Variants in HAT1 observed in about 807,000 individuals in gnomAD.
The protein encoded by HAT1 is histone acetyltransferase type B catalytic subunit.
HAT1 carries 20 observed loss-of-function variants against 56.6 expected under a neutral mutation model. That is an observed-to-expected ratio of 0.35 (90% confidence interval 0.25 to 0.51). The LOEUF is 0.51. Among genes scored for constraint, HAT1 ranks in the 20% least tolerant of loss-of-function variants. The pLI is 0.95. For missense variants in HAT1, 408 were observed against 504.3 expected, an observed-to-expected ratio of 0.81 and a Z score of 1.83; for synonymous variants, 146 against 165.5, an observed-to-expected ratio of 0.88 and a Z score of 0.91.
chr2:171,943,410 CAAAAAAA>C lies in HAT1; in HGVS notation c.113-3279_113-3273del, dbSNP rs377749207. ...TGGGCGACAGAGAGAGACTCTGTCT[CAAAAAAA>C]AAAAAAAAAAAAAAAAAAGGAAACT... On this transcript the variant is annotated intron_variant, in intron 2 of 10. Coordinates refer to ENST00000264108, the MANE Select transcript of HAT1 (RefSeq NM_003642.4). Among the ~76,000 whole-genome samples the C allele has an allele frequency of 2.5e-3, 145 of 58,666 alleles. 3 individuals carry two copies. The highest frequency in any genetic ancestry group is 0.012 in the African/African-American group (135 of 11,048). The allele number at this position is 58,666 out of a possible 152,430, so 38.5% of individuals were successfully genotyped here.
At chr2:171,954,427 T>C (rs1687390188) in intron 4 of HAT1, among the ~76,000 whole-genome samples, 2 of 152,234 alleles carry the variant, frequency 1.3e-5, no homozygotes, top group African/African-American at 4.8e-5. Flanking sequence ...GGCTCATGCC[T>C]GTAATCCTAT....
At chr2:171,934,111 TA>T (rs1306216416) in intron 2 of HAT1, among the ~76,000 whole-genome samples, 1 of 152,230 alleles carries the variant, frequency 6.6e-6, no homozygotes, top group African/African-American at 2.4e-5. Flanking sequence ...TTACTCATTA[TA>T]AAATGTTCCA....
chr2:171,922,549 A>C, intron 1 of HAT1, 42 bp downstream of exon 1: 2 of 1,310,908 alleles, frequency 1.5e-6, no homozygotes, highest in Non-Finnish European at 2.0e-6. Context: ...GGAGGCGGCC[A>C]GATCGGGGAT....
chr2:171,970,147 G>A (rs11676438), intron 8 of HAT1, among the ~76,000 whole-genome samples: 66,127 of 151,872 alleles, frequency 0.44, 15,770 homozygotes, highest in Middle Eastern at 0.58. Context: ...GGGACAGAGC[G>A]AGACCCTGTC....
rs1688173534 is a variant in HAT1 at position 171,983,114 on chromosome 2, A to C, written c.1093-71A>C. On this transcript the variant is annotated intron_variant, in intron 10 of 10. Coordinates refer to ENST00000264108, the MANE Select transcript of HAT1 (RefSeq NM_003642.4). ...ACTATTCTTATTTTTAACATTGGAGACTTAAAATTGTAAGACTATAAGGAA... is the reference window on the plus strand; with the variant it reads ...ACTATTCTTATTTTTAACATTGGAGCCTTAAAATTGTAAGACTATAAGGAA... 7.0e-6 allele frequency: 6 copies of C among 859,494 alleles called. No homozygotes were observed. In the East Asian group the frequency reaches 1.5e-4, roughly 22 times the overall value. The allele number at this position is 859,494 out of a possible 1,614,324, so 53.2% of individuals were successfully genotyped here.
In HAT1 at chr2:171,925,540, T is replaced by G. The variant is rs760799608; in HGVS notation, c.11T>G (p.Phe4Cys). The G allele has an allele frequency of 1.3e-5, 19 of 1,436,408 alleles. No individual in the cohort carries two copies. Among genetic ancestry groups the G allele is most frequent in the Non-Finnish European group, 1.7e-5 (17 of 1,018,710 alleles). The allele number at this position is 1,436,408 out of a possible 1,614,324, so 89.0% of individuals were successfully genotyped here. MAG[F>C]GAMEKFLVEY... Reference sequence around the variant, plus strand: ...TTTTAAAAACCTTTTCTCTTAGGATTTGGTGCTATGGAGAAATTTTTGGTA... The same window carrying G: ...TTTTAAAAACCTTTTCTCTTAGGATGTGGTGCTATGGAGAAATTTTTGGTA... The change falls in exon 2 of 11, where the codon TTT becomes TGT. Residue 4 changes from phenylalanine to cysteine, a missense_variant. By Grantham distance (205) the Phe-to-Cys change is radical (BLOSUM62 -2). Transcript: ENST00000264108.
rs746016501 is a variant in HAT1, at chr2:171,964,470, G to A, written c.310-868G>A. 6.8e-4 allele frequency among the ~76,000 whole-genome samples: 104 copies of A among 152,234 alleles called. 1 individual carries two copies. Among genetic ancestry groups the A allele is most frequent in the Middle Eastern group, 3.4e-3 (1 of 294 alleles). The stretch of plus-strand genomic sequence containing the variant: ...GTTGAATGTAATGTCAGGCTTTTAG[G>A]GACTGTATTGAGGGATAAGGTTTTG... On this transcript the variant is annotated intron_variant, in intron 4 of 10. Transcript: ENST00000264108.
intron 8 of HAT1, among the ~76,000 whole-genome samples, chr2:171,967,153 T>C (rs1687702951): frequency 6.6e-6 from 1 of 152,160 alleles, no homozygotes; most frequent in Non-Finnish European, 1.5e-5. Context: ...AAGTGCATAA[T>C]GGAACAAATT....
At chr2:171,949,532 A>G (rs1161456700) in intron 3 of HAT1, among the ~76,000 whole-genome samples, 1 of 151,898 alleles carries the variant, frequency 6.6e-6, no homozygotes, top group Non-Finnish European at 1.5e-5. Context: ...AAAATTAGCC[A>G]GGCTTGCTGG....
At chr2:171,946,199 A>T (rs1687159378) in intron 2 of HAT1, among the ~76,000 whole-genome samples, 1 of 152,220 alleles carries the variant, frequency 6.6e-6, no homozygotes, top group Non-Finnish European at 1.5e-5. Context: ...GTACAGCAGG[A>T]TGTATATAAG....
intron 2 of HAT1, among the ~76,000 whole-genome samples, chr2:171,942,574 A>G (rs1372323556): frequency 6.6e-6 from 1 of 152,128 alleles, no homozygotes; most frequent in Non-Finnish European, 1.5e-5. Flanking sequence ...TTAATCATTC[A>G]CCTGTGACAT....
At chr2:171,974,178 AAAAAAAAAAAAAAAG>A (rs1273456136) in intron 8 of HAT1, among the ~76,000 whole-genome samples, 40 of 101,698 alleles carry the variant, frequency 3.9e-4, no homozygotes, top group African/African-American at 1.2e-3. Context: ...TGTCTCAAAA[AAAAAAAAAAAAAAAG>A]AAAAAAAGAA....
At chr2:171,937,873 A>G (rs1448850137) in intron 2 of HAT1, among the ~76,000 whole-genome samples, 2 of 152,154 alleles carry the variant, frequency 1.3e-5, no homozygotes, top group East Asian at 1.9e-4. Context: ...AAATCAAACA[A>G]TTAGCCAAGT....
chr2:171,950,151 G>C (rs1687268975), intron 3 of HAT1, among the ~76,000 whole-genome samples: 1 of 152,076 alleles, frequency 6.6e-6, no homozygotes, highest in African/African-American at 2.4e-5. Context: ...TCTTTAATGT[G>C]TGGGGGTTTT....
At chr2:171,922,729 A>G in intron 1 of HAT1, 1 of 401,026 alleles carries the variant, frequency 2.5e-6, no homozygotes. Flanking sequence ...GCCTTCTGCC[A>G]GCAATCCGGC....
rs587686867 is a variant in HAT1 at position 171,953,626 on chromosome 2, T to TAAAAAAAAAAAA, written c.309+643_309+654dup. Among the ~76,000 whole-genome samples the TAAAAAAAAAAAA allele has an allele frequency of 2.4e-3, 201 of 84,570 alleles. 8 individuals are homozygous for TAAAAAAAAAAAA. Among genetic ancestry groups the TAAAAAAAAAAAA allele is most frequent in the East Asian group, 5.2e-3 (8 of 1,544 alleles). 55.5% of individuals were successfully genotyped at this position (84,570 alleles called of 152,430 possible). ...GGCAACAGAACAAGACCCTGTCTCT[T>TAAAAAAAAAAAA]AAAAAAAAAAAAAAAAAAAAAAAAA... On this transcript the variant is annotated intron_variant, in intron 4 of 10. Coordinates refer to ENST00000264108, the MANE Select transcript of HAT1 (RefSeq NM_003642.4).
At chr2:171,977,271 G>A (rs1209518888) in intron 9 of HAT1, among the ~76,000 whole-genome samples, 3 of 151,398 alleles carry the variant, frequency 2.0e-5, no homozygotes, top group Non-Finnish European at 2.9e-5. Flanking sequence ...AGACCAGCCT[G>A]TCCAATATGG....
intron 2 of HAT1, among the ~76,000 whole-genome samples, chr2:171,928,777 G>A (rs1686662604): frequency 6.6e-6 from 1 of 152,158 alleles, no homozygotes; most frequent in African/African-American, 2.4e-5. Context: ...CAAAGTGCTG[G>A]GATTACAGGC....
intron 4 of HAT1, among the ~76,000 whole-genome samples, chr2:171,964,315 G>A (rs779186196): frequency 7.2e-5 from 11 of 152,176 alleles, no homozygotes; most frequent in Non-Finnish European, 1.0e-4. Context: ...AACACAAAGT[G>A]TTCTTGTGTC....
Sources: gnomAD v4.1 joint callset for allele counts (sites outside exome capture counted in the v4.1 genomes callset) on GRCh38, gnomAD v4.1.1 for gene constraint, MANE v1.5 for transcripts, NCBI Gene and HGNC (gene_info 2026-07-23, HGNC 2026-07-21) for gene names.